Variants in COMP observed in about 807,000 individuals in gnomAD.
COMP encodes the protein cartilage oligomeric matrix protein (pseudoachondroplasia, epiphyseal dysplasia 1, multiple).
COMP carries 79 observed loss-of-function variants against 95.8 expected under a neutral mutation model. That is an observed-to-expected ratio of 0.82 (90% confidence interval 0.69 to 0.99). The LOEUF (loss-of-function observed/expected upper bound fraction) is 0.99, where lower values mean the gene tolerates loss of function less well. Among genes scored for constraint, COMP ranks in the 50% least tolerant of loss-of-function variants. The pLI is 0.00. For missense variants in COMP, 906 were observed against 1,076.1 expected, an observed-to-expected ratio of 0.84 and a Z score of 2.21; for synonymous variants, 438 against 433.9, an observed-to-expected ratio of 1.01 and a Z score of -0.12.
chr19:18,790,811 G>A, intron 2 of COMP, 39 bp downstream of exon 2: 3 of 1,557,116 alleles, frequency 1.9e-6, no homozygotes, highest in African/African-American at 1.4e-5. Context: ...ACCCCCTTCC[G>A]TTCCCTGGCA....
rs2055173239 is a variant in COMP at position 18,787,144 on chromosome 19, T to C, written c.1135+347A>G. On this transcript the variant is annotated intron_variant, in intron 10 of 18. Coordinates refer to ENST00000222271, the MANE Select transcript of COMP (RefSeq NM_000095.3). ...GGGGGACGGGCTCTCACTCCCAGGG[T>C]GGCTCAGCTGGGTGCCCGTGTGTGC... 7 of 435,836 alleles carry C rather than the reference T, an allele frequency of 1.6e-5. 1 individual carries two copies. The highest frequency in any genetic ancestry group is 1.3e-4 in the South Asian group (6 of 46,244). 27.0% of individuals were successfully genotyped at this position (435,836 alleles called of 1,614,324 possible).
chr19:18,791,210 T>A lies in COMP; in HGVS notation c.60A>T (p.Gly20=). 1 of 1,591,584 alleles carries A rather than the reference T, an allele frequency of 6.3e-7. No individual in the cohort carries two copies. Among genetic ancestry groups the A allele is most frequent in the Non-Finnish European group, 8.5e-7 (1 of 1,170,672 alleles). ...GCTTACCCAACGGGCTCTGGCCCTG[T>A]CCGGACGCGCCGAGGGCAGCCAGGG... ...LLTLAALGAS[G]QGQSPLGSDL... Residue 20 remains glycine, a synonymous_variant, in exon 1 of 19, where the codon GGA becomes GGT. Transcript: ENST00000222271.
rs1568554556 is a variant in COMP at position 18,785,660 on chromosome 19, A to ACCCCG, written c.1668+8_1668+12dup. 6.2e-7 allele frequency: 1 copy of ACCCCG among 1,613,148 alleles called. No individual in the cohort carries two copies. The highest frequency in any genetic ancestry group is 8.5e-7 in the Non-Finnish European group (1 of 1,179,930). ...TAGGGTCCCATCACCCCCCACGTGG[A>ACCCCG]CCCCGCTCCCACCTGGTTGAGCACC... On this transcript the variant is annotated intron_variant, in intron 14 of 18. Coordinates refer to ENST00000222271, the MANE Select transcript of COMP (RefSeq NM_000095.3).
chr19:18,786,277 G>T lies in COMP; in HGVS notation c.1269C>A (p.His423Gln). Reference protein sequence around the residue: ...KSNPDQADVDHDFVGDACDSD... With the variant: ...KSNPDQADVDQDFVGDACDSD... ...TGTCACAAGCATCTCCCACAAAGTCGTGGTCCACATCCGCCTGCGGAGGGC... is the reference window on the plus strand; with the variant it reads ...TGTCACAAGCATCTCCCACAAAGTCTTGGTCCACATCCGCCTGCGGAGGGC... The change falls in exon 12 of 19, where the codon CAC becomes CAA. Residue 423 changes from histidine to glutamine, a missense_variant. Coordinates refer to ENST00000222271, the MANE Select transcript of COMP (RefSeq NM_000095.3). 1 of 1,613,970 alleles carries T rather than the reference G, an allele frequency of 6.2e-7. No individual in the cohort carries two copies. Among genetic ancestry groups the T allele is most frequent in the Non-Finnish European group, 8.5e-7 (1 of 1,180,032 alleles).
intron 12 of COMP, 43 bp downstream of exon 12, chr19:18,786,196 T>C (rs1278223182): frequency 6.2e-7 from 1 of 1,614,146 alleles, no homozygotes; most frequent in Non-Finnish European, 8.5e-7. Context: ...CAGAGCGTTT[T>C]GTCAAAGGCT....
At chr19:18,787,339 T>C (rs1320877397) in intron 10 of COMP, 152 bp downstream of exon 10, 21 of 1,132,400 alleles carry the variant, frequency 1.9e-5, no homozygotes, top group Non-Finnish European at 2.7e-5. Flanking sequence ...GCTTGCATTT[T>C]TCTGGCGCCC....
In COMP at chr19:18,788,615, G is replaced by C. The variant is rs537695502; in HGVS notation, c.739C>G (p.Arg247Gly). The change falls in exon 7 of 19, where the codon CGC becomes GGC. Residue 247 changes from arginine to glycine, a missense_variant. Arg to Gly is a moderately radical substitution (Grantham distance 125, BLOSUM62 -2). Coordinates refer to ENST00000222271, the MANE Select transcript of COMP (RefSeq NM_000095.3). The surrounding 1 kb of genome is among the most constrained non-coding windows in gnomAD (Gnocchi z 4.7). ...CHEHADCVLE[R>G]DGSRSCVCAV... ...ACCACGCACGACCGCGAGCCATCGC[G>C]CTCTAGGACGCAGTCTGCATGCTCG... 2.6e-6 allele frequency: 4 copies of C among 1,549,960 alleles called. No individual in the cohort carries two copies. In the South Asian group the frequency reaches 4.8e-5, roughly 18 times the overall value.
intron 10 of COMP, 113 bp from the exon 11 acceptor site, chr19:18,786,763 CTTTTTTTT>C (rs10577504): frequency 5.4e-3 from 1,532 of 282,132 alleles, no homozygotes; most frequent in Non-Finnish European, 6.3e-3. Flanking sequence ...TTCATGGAAG[CTTTTTTTT>C]TTTTTTTTTT....
At position 18,784,153 on chromosome 19, in the gene COMP, T is replaced by C. The variant is rs770440549; in HGVS notation, c.2087+38A>G. The C allele has an allele frequency of 1.4e-5, 23 of 1,609,452 alleles. No individual in the cohort carries two copies. The highest frequency in any genetic ancestry group is 2.0e-4 in the Middle Eastern group (1 of 4,914). The stretch of plus-strand genomic sequence containing the variant: ...GGGCACTCCCACCTGGGCCTGTGTG[T>C]CCCCAGCCCAGCCCACCACAGAGGG... On this transcript the variant is annotated intron_variant, in intron 17 of 18. Coordinates refer to ENST00000222271, the MANE Select transcript of COMP (RefSeq NM_000095.3). The surrounding 1 kb of genome is among the most constrained non-coding windows in gnomAD (Gnocchi z 4.9).
At chr19:18,790,174 C>A in intron 3 of COMP, 60 bp from the exon 4 acceptor site, 1 of 1,311,800 alleles carries the variant, frequency 7.6e-7, no homozygotes, top group African/African-American at 1.5e-5. Context: ...GGGGGCAGAG[C>A]CTATCATGGC....
chr19:18,785,324 G>T (rs1345128311), intron 15 of COMP, among the ~76,000 whole-genome samples, 174 bp downstream of exon 15: 2 of 38,066 alleles, frequency 5.3e-5, no homozygotes, highest in Non-Finnish European at 1.0e-4. Context: ...CTCTGGCCCC[G>T]CGCCTTCTCC....
In COMP at chr19:18,784,321, C is replaced by A; in HGVS notation, c.1957G>T (p.Ala653Ser). ...TCTGTGTCTCCTGTATGCCACAGAG[C>A]GTTCCGCAGCTGTTCCCCGGGGCCT... is the stretch of plus-strand genomic sequence containing the variant. Reference protein sequence around the residue: ...STGPGEQLRNALWHTGDTESQ... With the variant: ...STGPGEQLRNSLWHTGDTESQ... Residue 653 changes from alanine to serine, a missense_variant, in exon 17 of 19, where the codon GCT becomes TCT. Ala to Ser is a moderately conservative substitution (Grantham distance 99, BLOSUM62 1). Coordinates refer to ENST00000222271, the MANE Select transcript of COMP (RefSeq NM_000095.3). This position sits in a 1 kb window ranked among gnomAD's most constrained non-coding sequence, Gnocchi z 4.9. The A allele has an allele frequency of 1.2e-6, 2 of 1,614,076 alleles. 1 individual carries two copies. Among genetic ancestry groups the A allele is most frequent in the South Asian group, 2.2e-5 (2 of 91,078 alleles).
rs1401353439 is a variant in COMP at position 18,789,072 on chromosome 19, G to C, written c.528+88C>G. 1 of 1,554,994 alleles carries C rather than the reference G, an allele frequency of 6.4e-7. No individual in the cohort carries two copies. ...CCTCCTCTCCCCACCCCTCCCGCTGGAAGGAGGCTGGAAGAGGAGTTTACT... is the reference window on the plus strand; with the variant it reads ...CCTCCTCTCCCCACCCCTCCCGCTGCAAGGAGGCTGGAAGAGGAGTTTACT... On this transcript the variant is annotated intron_variant, in intron 5 of 18. Coordinates refer to ENST00000222271, the MANE Select transcript of COMP (RefSeq NM_000095.3). The surrounding 1 kb of genome is among the most constrained non-coding windows in gnomAD (Gnocchi z 6.1).
Position 18,784,452 on chromosome 19 carries a change from A to T in COMP, c.1915-89T>A. 1.3e-6 allele frequency: 2 copies of T among 1,515,320 alleles called. No individual in the cohort carries two copies. Among genetic ancestry groups the T allele is most frequent in the African/African-American group, 1.4e-5 (1 of 72,932 alleles). The allele number at this position is 1,515,320 out of a possible 1,614,324, so 93.9% of individuals were successfully genotyped here. On this transcript the variant is annotated intron_variant, in intron 16 of 18. Coordinates refer to ENST00000222271, the MANE Select transcript of COMP (RefSeq NM_000095.3). This position sits in a 1 kb window ranked among gnomAD's most constrained non-coding sequence, Gnocchi z 4.9. ...TCCTGGAGAGACAGTTGGGAGCAGCAGGTGGTGGGCGGCCAGGGGGATCCG... is the reference window on the plus strand; with the variant it reads ...TCCTGGAGAGACAGTTGGGAGCAGCTGGTGGTGGGCGGCCAGGGGGATCCG...
At chr19:18,790,170 A>C in intron 3 of COMP, 56 bp from the exon 4 acceptor site, 1 of 1,355,138 alleles carries the variant, frequency 7.4e-7, no homozygotes, top group Non-Finnish European at 9.9e-7. Context: ...GCCCGGGGGC[A>C]GAGCCTATCA....
At position 18,784,452 on chromosome 19, in the gene COMP, A is replaced by G; in HGVS notation, c.1915-89T>C. ...TCCTGGAGAGACAGTTGGGAGCAGCAGGTGGTGGGCGGCCAGGGGGATCCG... is the reference window on the plus strand; with the variant it reads ...TCCTGGAGAGACAGTTGGGAGCAGCGGGTGGTGGGCGGCCAGGGGGATCCG... On this transcript the variant is annotated intron_variant, in intron 16 of 18. Transcript: ENST00000222271. The surrounding 1 kb of genome is among the most constrained non-coding windows in gnomAD (Gnocchi z 4.9). The G allele has an allele frequency of 1.3e-6, 2 of 1,515,320 alleles. No homozygotes were observed. The highest frequency in any genetic ancestry group is 9.1e-7 in the Non-Finnish European group (1 of 1,099,912). The allele number at this position is 1,515,320 out of a possible 1,614,324, so 93.9% of individuals were successfully genotyped here.
rs532716176 is a variant in COMP, at chr19:18,785,443, G to C, written c.1717+55C>G. The C allele has an allele frequency of 1.0e-3, 1,603 of 1,607,132 alleles. 18 individuals are homozygous for C. The South Asian group carries it at 0.013, about 13-fold the overall frequency. On this transcript the variant is annotated intron_variant, in intron 15 of 18. Transcript: ENST00000222271. ...TCAGCCCGGGCCTGCCCCTTCTCTGGCCCCTCTCCCTGAGCCCGCTCCGTG... is the reference window on the plus strand; with the variant it reads ...TCAGCCCGGGCCTGCCCCTTCTCTGCCCCCTCTCCCTGAGCCCGCTCCGTG...
chr19:18,786,683 T>C (rs552829461), intron 10 of COMP, 33 bp from the exon 11 acceptor site: 20 of 1,563,672 alleles, frequency 1.3e-5, no homozygotes, highest in East Asian at 4.5e-5. Flanking sequence ...AGCCCCAAGA[T>C]TGGGACCAGG....
At chr19:18,785,444 C>A in intron 15 of COMP, 54 bp downstream of exon 15, 1 of 1,606,970 alleles carries the variant, frequency 6.2e-7, no homozygotes, top group South Asian at 1.1e-5. Flanking sequence ...CCTTCTCTGG[C>A]CCCTCTCCCT....
Sources: gnomAD v4.1 joint callset for allele counts (sites outside exome capture counted in the v4.1 genomes callset) on GRCh38, gnomAD v4.1.1 for gene constraint, Gnocchi (gnomAD v3.1) non-coding constraint, MANE v1.5 for transcripts, NCBI Gene and HGNC (gene_info 2026-07-23, HGNC 2026-07-21) for gene names.